The following PTPRN2 variants were observed in gnomAD, a reference collection of about 807,000 sequenced individuals.
PTPRN2 encodes the protein receptor-type tyrosine-protein phosphatase N2.
PTPRN2 carries 74 observed loss-of-function variants against 118.8 expected under a neutral mutation model. The observed-to-expected ratio is 0.62, with a 90% confidence interval of 0.52 to 0.76. The LOEUF is 0.76. Ranked by LOEUF, PTPRN2 falls within the 30% of genes least tolerant of loss-of-function variation. The probability of loss-of-function intolerance (pLI) is 0.00; values close to 1 mark genes in which losing one functional copy is unlikely to be tolerated. For synonymous variants in PTPRN2, 641 were observed against 608.0 expected (o/e 1.05, Z -0.80); for missense variants, 1,481 against 1,394.4 (o/e 1.06, Z -0.99).
rs1277172072 is a variant in PTPRN2, at chr7:158,526,594, T to G, written c.113-36809A>C. 6.6e-6 allele frequency among the ~76,000 whole-genome samples: 1 copy of G among 152,074 alleles called. No individual in the cohort carries two copies. The highest frequency in any genetic ancestry group is 1.9e-4 in the East Asian group (1 of 5,176). On this transcript the variant is annotated intron_variant, in intron 1 of 22. Coordinates refer to ENST00000389418, the MANE Select transcript of PTPRN2 (RefSeq NM_002847.5). This position sits in a 1 kb window ranked among gnomAD's most constrained non-coding sequence, Gnocchi z 5.2. ...GCACCCCAAAGTTCATACACTGAAG[T>G]CCTGACCCCCAGGACCTCAGAATGG...
At chr7:158,411,900 G>C (rs778940513) in intron 2 of PTPRN2, among the ~76,000 whole-genome samples, 15 of 152,182 alleles carry the variant, frequency 9.9e-5, no homozygotes, top group Admixed American at 2.6e-4. Flanking sequence ...GCGCACATGA[G>C]ACTGGGGCTG....
At chr7:158,533,633 C>T (rs998246768) in intron 1 of PTPRN2, among the ~76,000 whole-genome samples, 18 of 152,220 alleles carry the variant, frequency 1.2e-4, no homozygotes, top group African/African-American at 4.3e-4. Flanking sequence ...CAGCCCTCTG[C>T]ATTGCACCAG....
At chr7:158,200,767 T>C (rs1364842456) in intron 4 of PTPRN2, among the ~76,000 whole-genome samples, 1 of 152,016 alleles carries the variant, frequency 6.6e-6, no homozygotes, top group Non-Finnish European at 1.5e-5. Flanking sequence ...AACACATAAA[T>C]ATGAAAAAGT....
At chr7:158,076,534 G>A (rs769752896) in intron 11 of PTPRN2, among the ~76,000 whole-genome samples, 11 of 152,252 alleles carry the variant, frequency 7.2e-5, no homozygotes, top group Non-Finnish European at 1.3e-4. Context: ...ATCAGCTGCA[G>A]TGAAACTCAG....
intron 12 of PTPRN2, among the ~76,000 whole-genome samples, chr7:157,746,925 C>T (rs1393616802): frequency 6.6e-6 from 1 of 151,444 alleles, no homozygotes; most frequent in Non-Finnish European, 1.5e-5. Context: ...GCCTGCGTCC[C>T]TGAGCTCTGG....
intron 3 of PTPRN2, among the ~76,000 whole-genome samples, chr7:158,249,716 C>T (rs1171816411): frequency 1.3e-5 from 2 of 152,190 alleles, no homozygotes; most frequent in South Asian, 2.1e-4. Flanking sequence ...CAGAAAAGCC[C>T]CATCCCCTGG....
rs866876929 is a variant in PTPRN2 at position 157,903,611 on chromosome 7, A to G, written c.1724-4874T>C. Among the ~76,000 whole-genome samples, 3 of 151,824 alleles carry G rather than the reference A, an allele frequency of 2.0e-5. No individual in the cohort carries two copies. The highest frequency in any genetic ancestry group is 3.4e-3 in the Middle Eastern group (1 of 292). ...GTCGGTTTAAATCAGCGATTGAAGC[A>G]AACAACCTGAATTAGTGTTTGGTTT... On this transcript the variant is annotated intron_variant, in intron 11 of 22. Coordinates refer to ENST00000389418, the MANE Select transcript of PTPRN2 (RefSeq NM_002847.5). This position sits in a 1 kb window ranked among gnomAD's most constrained non-coding sequence, Gnocchi z 4.2.
At chr7:157,656,924 G>T (rs145687703) in intron 13 of PTPRN2, among the ~76,000 whole-genome samples, 1 of 85,964 alleles carries the variant, frequency 1.2e-5, no homozygotes, top group African/African-American at 5.5e-5. Context: ...ACACACACAC[G>T]CCACACACAC....
At chr7:157,818,566 G>C (rs866458586) in intron 12 of PTPRN2, among the ~76,000 whole-genome samples, 9 of 151,732 alleles carry the variant, frequency 5.9e-5, no homozygotes, top group African/African-American at 1.9e-4. Flanking sequence ...CTTCCAGAAG[G>C]GCAGAGGCCA....
rs531256461 is a variant in PTPRN2, at chr7:158,555,102, G to A, written c.112+32456C>T. On this transcript the variant is annotated intron_variant, in intron 1 of 22. Coordinates refer to ENST00000389418, the MANE Select transcript of PTPRN2 (RefSeq NM_002847.5). This position sits in a 1 kb window ranked among gnomAD's most constrained non-coding sequence, Gnocchi z 4.7. ...ACACACCAGATGCACATTACAAAGA[G>A]CGTCACAGTGGAATGAGAGGAAAGC... 7.2e-5 allele frequency among the ~76,000 whole-genome samples: 11 copies of A among 152,328 alleles called. No homozygotes were observed. The South Asian group carries it at 2.1e-3, about 29-fold the overall frequency.
intron 3 of PTPRN2, among the ~76,000 whole-genome samples, chr7:158,279,428 G>C (rs776068134): frequency 2.0e-5 from 3 of 152,136 alleles, no homozygotes; most frequent in Non-Finnish European, 4.4e-5. Context: ...ACTCGCTGCA[G>C]GACTTTGTGG....
intron 2 of PTPRN2, among the ~76,000 whole-genome samples, chr7:158,482,932 TC>T (rs1483719824): frequency 6.6e-6 from 1 of 152,148 alleles, no homozygotes; most frequent in Non-Finnish European, 1.5e-5. Context: ...CAGCCCCTTC[TC>T]CTCGGAGGCA....
chr7:157,839,876 G>A (rs1426395423), intron 12 of PTPRN2, among the ~76,000 whole-genome samples: 6 of 148,890 alleles, frequency 4.0e-5, no homozygotes, highest in Non-Finnish European at 8.9e-5. Flanking sequence ...ACCGTGTGGA[G>A]TGTGTGTGAC....
chr7:157,623,013 C>A (rs1205892473), intron 14 of PTPRN2, among the ~76,000 whole-genome samples: 1 of 152,210 alleles, frequency 6.6e-6, no homozygotes, highest in Non-Finnish European at 1.5e-5. Context: ...ACCCAGGAAG[C>A]CTCGTGGTTT....
intron 12 of PTPRN2, among the ~76,000 whole-genome samples, chr7:157,689,319 G>A (rs562911133): frequency 6.6e-6 from 1 of 152,188 alleles, no homozygotes; most frequent in Non-Finnish European, 1.5e-5. Flanking sequence ...CGGACTCCAG[G>A]CGGGTGGCTC....
Position 157,539,160 on chromosome 7 carries a change from G to A in PTPRN2, c.*1554C>T, listed in dbSNP as rs991397738. 2.6e-5 allele frequency: 4 copies of A among 152,222 alleles called. No individual in the cohort carries two copies. The highest frequency in any genetic ancestry group is 2.6e-4 in the Admixed American group (4 of 15,282). 9.4% of individuals were successfully genotyped at this position (152,222 alleles called of 1,614,324 possible). Reference sequence around the variant, plus strand: ...AGTTAGAAATTACAAGTAGGCATATGCTTCCTATATTCAGATAAATTCATT... The same window carrying A: ...AGTTAGAAATTACAAGTAGGCATATACTTCCTATATTCAGATAAATTCATT... On this transcript the variant is annotated 3_prime_UTR_variant, in exon 23 of 23. Coordinates refer to ENST00000389418, the MANE Select transcript of PTPRN2 (RefSeq NM_002847.5).
At chr7:157,897,190 C>T (rs560095530) in intron 12 of PTPRN2, among the ~76,000 whole-genome samples, 4 of 152,224 alleles carry the variant, frequency 2.6e-5, no homozygotes, top group East Asian at 1.9e-4. Context: ...GTGATGAGCT[C>T]GGAAGGGAGA....
intron 13 of PTPRN2, among the ~76,000 whole-genome samples, chr7:157,669,359 T>A (rs138561586): frequency 6.6e-6 from 1 of 152,188 alleles, no homozygotes; most frequent in South Asian, 2.1e-4. Flanking sequence ...CTCCAGTGGC[T>A]TCTCCTTGGT....
chr7:158,413,864 G>T (rs1012851047), intron 2 of PTPRN2, among the ~76,000 whole-genome samples: 2 of 152,204 alleles, frequency 1.3e-5, no homozygotes, highest in Non-Finnish European at 1.5e-5. Flanking sequence ...CAAGGGCCAG[G>T]TGTGATGGCT....
Sources: allele counts gnomAD v4.1 joint callset (sites outside exome capture counted in the v4.1 genomes callset), GRCh38; gene constraint gnomAD v4.1.1; non-coding constraint Gnocchi (gnomAD v3.1); transcripts MANE v1.5; gene names NCBI Gene and HGNC (gene_info 2026-07-23, HGNC 2026-07-21).